BLTP1: variants seen among roughly 807,000 people sequenced by gnomAD.
BLTP1 encodes fragile site-associated protein.
chr4:122,179,796 T>C, the BLTP1 span: 26 of 962,826 alleles, frequency 2.7e-5, no homozygotes, highest in Non-Finnish European at 3.2e-5. Context: ...AGCCACACAT[T>C]GCATGCCCAC....
At chr4:122,167,823 C>G in the BLTP1 span, 2 of 985,392 alleles carry the variant, frequency 2.0e-6, no homozygotes, top group Non-Finnish European at 2.4e-6. Context: ...TCTGCTTCAC[C>G]TTGCAACTCT....
the BLTP1 span, chr4:122,196,619 T>C: frequency 3.2e-6 from 5 of 1,586,996 alleles, no homozygotes; most frequent in Non-Finnish European, 4.3e-6. Flanking sequence ...TTATTCTTTC[T>C]ACCTCCTTAA....
At chr4:122,313,525 C>T in the BLTP1 span, 2 of 778,400 alleles carry the variant, frequency 2.6e-6, no homozygotes, top group Non-Finnish European at 3.8e-6. Context: ...TAGTAATCCT[C>T]TTTGTATTTA....
the BLTP1 span, chr4:122,187,141 C>G: frequency 1.0e-6 from 1 of 984,134 alleles, no homozygotes; most frequent in Non-Finnish European, 1.2e-6. Flanking sequence ...GATGTAATGA[C>G]AGCATATCAT....
chr4:122,154,387 T>G, the BLTP1 span: 20 of 985,092 alleles, frequency 2.0e-5, no homozygotes, highest in South Asian at 6.1e-4. Context: ...GGTGGTGATA[T>G]GTAATGTAAC....
At chr4:122,306,386 C>T in the BLTP1 span, among the ~76,000 whole-genome samples, 1 of 151,954 alleles carries the variant, frequency 6.6e-6, no homozygotes, top group East Asian at 1.9e-4. Context: ...TCAGGTACTG[C>T]CTAGAAGTGG....
At chr4:122,224,615 G>T in the BLTP1 span, 1 of 1,614,092 alleles carries the variant, frequency 6.2e-7, no homozygotes, top group Non-Finnish European at 8.5e-7. Context: ...CGATTCCTTA[G>T]AATACGCATG....
chr4:122,229,028 A>G, the BLTP1 span: 1 of 1,050,748 alleles, frequency 9.5e-7, no homozygotes, highest in Non-Finnish European at 1.3e-6. Flanking sequence ...ATCAATAACT[A>G]GATTTTTTGT....
At chr4:122,282,049 C>T in the BLTP1 span, 1 of 975,286 alleles carries the variant, frequency 1.0e-6, no homozygotes, top group Non-Finnish European at 1.2e-6. Context: ...AAGAAATTAA[C>T]CCATTTCTAC....
At chr4:122,185,818 G>GT in the BLTP1 span, among the ~76,000 whole-genome samples, 1 of 152,024 alleles carries the variant, frequency 6.6e-6, no homozygotes, top group African/African-American at 2.4e-5. Flanking sequence ...AGAAATTAAA[G>GT]TTGTTTTTAG....
At chr4:122,337,216 C>T in the BLTP1 span, 1 of 556,682 alleles carries the variant, frequency 1.8e-6, no homozygotes, top group Admixed American at 3.5e-5. Flanking sequence ...TACAGATGCT[C>T]AAGTTATGAT....
chr4:122,273,393 A>G, the BLTP1 span: 7 of 985,036 alleles, frequency 7.1e-6, no homozygotes, highest in African/African-American at 3.5e-5. Context: ...ACTGACTGCA[A>G]ATTGCTAAGA....
the BLTP1 span, among the ~76,000 whole-genome samples, chr4:122,217,382 A>G: frequency 1.3e-5 from 2 of 148,632 alleles, no homozygotes; most frequent in Non-Finnish European, 3.0e-5. Context: ...TTTTTTTTCT[A>G]GTTGAGTGAA....
chr4:122,216,224 A>G, the BLTP1 span, among the ~76,000 whole-genome samples: 1 of 152,000 alleles, frequency 6.6e-6, no homozygotes, highest in Non-Finnish European at 1.5e-5. Context: ...CTGCGCTTCT[A>G]TGAACATGTG....
chr4:122,305,571 T>A, the BLTP1 span: 1 of 984,450 alleles, frequency 1.0e-6, no homozygotes, highest in Non-Finnish European at 1.2e-6. Flanking sequence ...TGAACAAAAA[T>A]TTCTTGTCAT....
chr4:122,292,384 A>G, the BLTP1 span: 29 of 840,906 alleles, frequency 3.4e-5, no homozygotes, highest in Non-Finnish European at 4.0e-5. Context: ...ATATTCACAA[A>G]GCTCTAGACA....
the BLTP1 span, among the ~76,000 whole-genome samples, chr4:122,185,749 G>A: frequency 2.6e-5 from 4 of 151,980 alleles, no homozygotes; most frequent in African/African-American, 9.6e-5. Flanking sequence ...TCTTTAAGTG[G>A]TACTTTACTG....
At chr4:122,333,801 GA>G in the BLTP1 span, 1 of 1,607,810 alleles carries the variant, frequency 6.2e-7, no homozygotes, top group Non-Finnish European at 8.5e-7. Context: ...TCCCGGAGTT[GA>G]TGTAAAGGTA....
At chr4:122,325,377 C>A in the BLTP1 span, 2 of 1,533,704 alleles carry the variant, frequency 1.3e-6, no homozygotes, top group Admixed American at 4.1e-5. Flanking sequence ...TTACAAATTA[C>A]AAAATTATGG....
Sources: allele counts gnomAD v4.1 joint callset (sites outside exome capture counted in the v4.1 genomes callset), GRCh38; gene constraint gnomAD v4.1.1; transcripts MANE v1.5; gene names NCBI Gene and HGNC (gene_info 2026-07-23, HGNC 2026-07-21).